Variants in NSUN6 observed in about 807,000 individuals in gnomAD.
NSUN6 encodes the protein tRNA (cytosine(72)-C(5))-methyltransferase NSUN6.
In NSUN6, 64 loss-of-function variants were observed where a neutral mutation model predicts 58.0. The ratio of observed to expected loss-of-function variants is 1.10; its 90% CI spans 0.90 to 1.36. NSUN6 has a LOEUF of 1.36. Among genes scored for constraint, NSUN6 ranks in the 40% most tolerant of loss-of-function variants. The probability of loss-of-function intolerance (pLI) is 0.00; values close to 1 mark genes in which losing one functional copy is unlikely to be tolerated. For synonymous variants in NSUN6, 231 were observed against 193.9 expected (o/e 1.19, Z -1.59); for missense variants, 701 against 550.1 (o/e 1.27, Z -2.74).
At chr10:18,614,380 T>C in intron 5 of NSUN6, 80 bp downstream of exon 5, 1 of 845,312 alleles carries the variant, frequency 1.2e-6, no homozygotes, top group Non-Finnish European at 1.7e-6. Context: ...ATAATGCAAC[T>C]AGATACATTT....
chr10:18,573,929 T>A (rs940883535), intron 8 of NSUN6, among the ~76,000 whole-genome samples: 3 of 152,106 alleles, frequency 2.0e-5, no homozygotes, highest in Non-Finnish European at 4.4e-5. Flanking sequence ...TAAACTGTTA[T>A]ATCGAAAATT....
chr10:18,569,999 A>C (rs1302984161), intron 8 of NSUN6, among the ~76,000 whole-genome samples: 1 of 146,442 alleles, frequency 6.8e-6, no homozygotes, highest in African/African-American at 2.5e-5. Flanking sequence ...ATTCCATTCC[A>C]TTCTCCATTG....
At chr10:18,597,763 T>A (rs182863898) in intron 6 of NSUN6, among the ~76,000 whole-genome samples, 147 of 152,074 alleles carry the variant, frequency 9.7e-4, no homozygotes, top group Middle Eastern at 3.4e-3. Flanking sequence ...CGAAACTCCA[T>A]CTAAAAATAA....
chr10:18,618,630 C>A (rs540239149), intron 3 of NSUN6, among the ~76,000 whole-genome samples: 1 of 145,316 alleles, frequency 6.9e-6, no homozygotes, highest in African/African-American at 2.6e-5. Context: ...TGCAGTGAGC[C>A]GAGATGGTGC....
In NSUN6 at chr10:18,551,975, T is replaced by G. The variant is rs777663827; in HGVS notation, c.923-4A>C. The G allele has an allele frequency of 1.9e-6, 3 of 1,578,512 alleles. No homozygotes were observed. The highest frequency in any genetic ancestry group is 1.7e-6 in the Non-Finnish European group (2 of 1,150,718). On this transcript the variant is annotated splice_region_variant and splice_polypyrimidine_tract_variant and intron_variant, in intron 8 of 10. Coordinates refer to ENST00000377304, the MANE Select transcript of NSUN6 (RefSeq NM_182543.5). ...TCTGGTAGAAATGGAGGTTCTCCTA[T>G]AAAGAGAATTATAATCATGTTTACT... is the stretch of plus-strand genomic sequence containing the variant.
chr10:18,651,214 G>A lies in NSUN6; in HGVS notation c.-11C>T. On this transcript the variant is annotated 5_prime_UTR_variant, in exon 1 of 11. Coordinates refer to ENST00000377304, the MANE Select transcript of NSUN6 (RefSeq NM_182543.5). ...AGGGAAAATAGACATTTTTCCTGTTGTTTAGTTCTCCACCAAGAGAAATGC... is the reference window on the plus strand; with the variant it reads ...AGGGAAAATAGACATTTTTCCTGTTATTTAGTTCTCCACCAAGAGAAATGC... 1 of 1,539,948 alleles carries A rather than the reference G, an allele frequency of 6.5e-7. No individual in the cohort carries two copies. Among genetic ancestry groups the A allele is most frequent in the South Asian group, 1.2e-5 (1 of 80,346 alleles).
chr10:18,588,614 C>T (rs1457369745), intron 7 of NSUN6, among the ~76,000 whole-genome samples: 2 of 152,146 alleles, frequency 1.3e-5, no homozygotes. Flanking sequence ...CTGCAGCCTC[C>T]ACTGGTGATA....
intron 8 of NSUN6, among the ~76,000 whole-genome samples, chr10:18,571,442 A>C (rs1198630374): frequency 6.7e-6 from 1 of 149,336 alleles, no homozygotes; most frequent in Admixed American, 6.7e-5. Flanking sequence ...ATTCCATTCC[A>C]AACCATTCTC....
chr10:18,611,146 G>A (rs1392009848), intron 5 of NSUN6, among the ~76,000 whole-genome samples: 2 of 151,880 alleles, frequency 1.3e-5, no homozygotes, highest in African/African-American at 4.8e-5. Flanking sequence ...CAGTGAGTTA[G>A]CATCCCGCCA....
chr10:18,559,400 G>A (rs1451052260), intron 8 of NSUN6, among the ~76,000 whole-genome samples: 2 of 148,238 alleles, frequency 1.3e-5, no homozygotes, highest in East Asian at 2.1e-4. Flanking sequence ...GGAAAGGAAT[G>A]GGGAATGGAA....
chr10:18,562,406 G>A (rs2055584568), intron 8 of NSUN6, among the ~76,000 whole-genome samples: 1 of 149,110 alleles, frequency 6.7e-6, no homozygotes, highest in Non-Finnish European at 1.5e-5. Context: ...AATGGAGAAC[G>A]GAATGGAATG....
At chr10:18,551,244 T>TTGTGTATGTGTG (rs1554847993) in intron 9 of NSUN6, among the ~76,000 whole-genome samples, 4 of 127,080 alleles carry the variant, frequency 3.1e-5, no homozygotes, top group African/African-American at 1.2e-4. Context: ...GTCCTCTCAG[T>TTGTGTATGTGTG]TGTGTGTGTG....
At chr10:18,629,045 C>A (rs1252536967) in intron 3 of NSUN6, among the ~76,000 whole-genome samples, 1 of 152,222 alleles carries the variant, frequency 6.6e-6, no homozygotes, top group African/African-American at 2.4e-5. Flanking sequence ...ATCAGACTAA[C>A]AGCAGGTCTC....
intron 3 of NSUN6, among the ~76,000 whole-genome samples, chr10:18,636,116 G>T (rs940829450): frequency 6.6e-6 from 1 of 151,942 alleles, no homozygotes; most frequent in Non-Finnish European, 1.5e-5. Context: ...CAGCTAACTT[G>T]TTGTATAAAC....
chr10:18,657,369 G>A (rs188824622), upstream of NSUN6, among the ~76,000 whole-genome samples: 6 of 152,018 alleles, frequency 3.9e-5, no homozygotes, highest in African/African-American at 7.2e-5. Context: ...TTGTTCATAA[G>A]AAAGGTGTTA....
intron 8 of NSUN6, among the ~76,000 whole-genome samples, chr10:18,563,717 ACTCCG>A (rs1461431177): frequency 2.2e-4 from 33 of 148,082 alleles, no homozygotes; most frequent in African/African-American, 8.2e-4. Context: ...TCTTCATTCC[ACTCCG>A]TTCCATTCTC....
intron 5 of NSUN6, among the ~76,000 whole-genome samples, chr10:18,611,729 TG>T (rs1378776969): frequency 1.0e-5 from 1 of 95,608 alleles, no homozygotes; most frequent in Non-Finnish European, 2.1e-5. Context: ...CTATGGTGTG[TG>T]TGTGTGTGTG....
intron 3 of NSUN6, among the ~76,000 whole-genome samples, chr10:18,640,515 A>T (rs2059358737): frequency 6.6e-6 from 1 of 152,244 alleles, no homozygotes; most frequent in Non-Finnish European, 1.5e-5. Context: ...GGAGTGTAGT[A>T]ACCTCCAAAG....
intron 2 of NSUN6, among the ~76,000 whole-genome samples, chr10:18,646,691 A>C (rs572608974): frequency 2.8e-4 from 43 of 152,240 alleles, no homozygotes; most frequent in African/African-American, 9.6e-4. Context: ...AAAAATACAA[A>C]AATGTAGCAG....
Sources: gnomAD v4.1 joint callset for allele counts (sites outside exome capture counted in the v4.1 genomes callset) on GRCh38, gnomAD v4.1.1 for gene constraint, MANE v1.5 for transcripts, NCBI Gene and HGNC (gene_info 2026-07-23, HGNC 2026-07-21) for gene names.